The following PLCXD3 variants were observed in gnomAD, a reference collection of about 807,000 sequenced individuals.
PLCXD3 encodes the protein PI-PLC X domain-containing protein 3.
Under a neutral mutation model 25.5 loss-of-function variants are expected in PLCXD3, and 19 were observed. The ratio of observed to expected loss-of-function variants is 0.75; its 90% CI spans 0.52 to 1.09. PLCXD3 has a LOEUF of 1.09. PLCXD3 is among the 50% of genes least tolerant of loss of function. The pLI is 0.00. For missense variants in PLCXD3, 411 were observed against 388.1 expected (o/e 1.06, Z -0.50); for synonymous variants, 174 against 137.6 (o/e 1.26, Z -1.85).
intron 2 of PLCXD3, among the ~76,000 whole-genome samples, chr5:41,332,359 G>A (rs1743844223): frequency 6.6e-6 from 1 of 151,988 alleles, no homozygotes; most frequent in Admixed American, 6.6e-5. Context: ...ACCATCACTG[G>A]CCATCAGAGA....
rs193056590 is a variant in PLCXD3, at chr5:41,457,292, A to G, written c.103+53132T>C. 2.0e-3 allele frequency among the ~76,000 whole-genome samples: 307 copies of G among 152,058 alleles called. 1 individual carries two copies. Among genetic ancestry groups the G allele is most frequent in the African/African-American group, 6.8e-3 (284 of 41,524 alleles). On this transcript the variant is annotated intron_variant, in intron 1 of 2. Transcript: ENST00000377801. ...CCCTCTGTTTTATTTTTAAATGATAACAAAAGTAAGTACAACCATGATAGT... is the reference window on the plus strand; with the variant it reads ...CCCTCTGTTTTATTTTTAAATGATAGCAAAAGTAAGTACAACCATGATAGT...
At chr5:41,487,919 A>G (rs1748556458) in intron 1 of PLCXD3, among the ~76,000 whole-genome samples, 1 of 151,952 alleles carries the variant, frequency 6.6e-6, no homozygotes, top group Admixed American at 6.6e-5. Flanking sequence ...TTATTTTTTA[A>G]TTTTATTATT....
At chr5:41,356,977 G>A (rs2150483503) in intron 2 of PLCXD3, among the ~76,000 whole-genome samples, 1 of 152,312 alleles carries the variant, frequency 6.6e-6, no homozygotes, top group East Asian at 1.9e-4. Flanking sequence ...TGGTCACCAA[G>A]GGTGATAGAG....
intron 1 of PLCXD3, among the ~76,000 whole-genome samples, chr5:41,461,788 A>G (rs1747881651): frequency 6.6e-6 from 1 of 151,962 alleles, no homozygotes; most frequent in Non-Finnish European, 1.5e-5. Flanking sequence ...GTCAGAACTC[A>G]ATCAGACTCT....
intron 1 of PLCXD3, among the ~76,000 whole-genome samples, chr5:41,404,570 G>A (rs1179300386): frequency 6.6e-6 from 1 of 152,022 alleles, no homozygotes; most frequent in Non-Finnish European, 1.5e-5. Flanking sequence ...TATAAATATG[G>A]AACAATAAAA....
At chr5:41,444,789 C>A (rs960541267) in intron 1 of PLCXD3, among the ~76,000 whole-genome samples, 1 of 152,034 alleles carries the variant, frequency 6.6e-6, no homozygotes, top group Non-Finnish European at 1.5e-5. Context: ...ATAGCAAAGC[C>A]GTGCCTAAGT....
intron 1 of PLCXD3, among the ~76,000 whole-genome samples, chr5:41,438,756 A>G (rs969773730): frequency 6.6e-6 from 1 of 151,748 alleles, no homozygotes; most frequent in Admixed American, 6.6e-5. Flanking sequence ...ATCCAAGAAT[A>G]GCTAGTCCTT....
chr5:41,505,653 G>C (rs1433816622), intron 1 of PLCXD3, among the ~76,000 whole-genome samples: 1 of 152,184 alleles, frequency 6.6e-6, no homozygotes, highest in Non-Finnish European at 1.5e-5. Context: ...AGCATTACCA[G>C]ATGAGCTGAT....
At chr5:41,372,469 T>C (rs1376273137) in intron 2 of PLCXD3, among the ~76,000 whole-genome samples, 1 of 152,106 alleles carries the variant, frequency 6.6e-6, no homozygotes, top group Non-Finnish European at 1.5e-5. Context: ...TCTTTAATCT[T>C]ACAACATCAG....
chr5:41,313,901 A>G, intron 2 of PLCXD3, 131 bp from the exon 3 acceptor site: 1 of 1,079,536 alleles, frequency 9.3e-7, no homozygotes, highest in Middle Eastern at 2.1e-4. Flanking sequence ...AGGAAGGGGA[A>G]AAGGCCAAAT....
intron 1 of PLCXD3, among the ~76,000 whole-genome samples, chr5:41,391,977 G>C (rs1006518947): frequency 6.6e-6 from 1 of 152,146 alleles, no homozygotes; most frequent in African/African-American, 2.4e-5. Flanking sequence ...CCTTTGGAAA[G>C]AGAGGGAAGA....
chr5:41,425,396 A>T (rs1746931992), intron 1 of PLCXD3, among the ~76,000 whole-genome samples: 1 of 150,650 alleles, frequency 6.6e-6, no homozygotes, highest in Non-Finnish European at 1.5e-5. Context: ...CTGCTTCCCC[A>T]GTACATGCAC....
chr5:41,367,114 C>T (rs1472555305), intron 2 of PLCXD3, among the ~76,000 whole-genome samples: 1 of 152,080 alleles, frequency 6.6e-6, no homozygotes, highest in Non-Finnish European at 1.5e-5. Flanking sequence ...ATGCATGGAT[C>T]TTTATAATAG....
intron 2 of PLCXD3, among the ~76,000 whole-genome samples, chr5:41,322,963 ACT>A (rs1312465687): frequency 7.9e-6 from 1 of 126,694 alleles, no homozygotes; most frequent in East Asian, 2.1e-4. Context: ...ACAGAACAAG[ACT>A]CTGTCTAAAA....
Position 41,454,788 on chromosome 5 carries a change from A to G in PLCXD3, c.103+55636T>C, listed in dbSNP as rs1475373998. Among the ~76,000 whole-genome samples, 2 of 151,956 alleles carry G rather than the reference A, an allele frequency of 1.3e-5. 1 individual carries two copies. The highest frequency in any genetic ancestry group is 1.3e-4 in the Admixed American group (2 of 15,248). On this transcript the variant is annotated intron_variant, in intron 1 of 2. Transcript: ENST00000377801. ...AGACATATTCTCTCTCCAAGTTTAC[A>G]AAAGAAACCAATTGTATTAGTCTGT...
intron 1 of PLCXD3, among the ~76,000 whole-genome samples, chr5:41,409,275 C>T (rs1746447919): frequency 6.6e-6 from 1 of 152,140 alleles, no homozygotes; most frequent in Non-Finnish European, 1.5e-5. Context: ...CAGCCTTAAG[C>T]CCAGGGTGCT....
intron 1 of PLCXD3, among the ~76,000 whole-genome samples, chr5:41,483,604 G>C (rs552781275): frequency 6.6e-6 from 1 of 152,048 alleles, no homozygotes; most frequent in African/African-American, 2.4e-5. Flanking sequence ...AGTTTTGCAA[G>C]ATGAAAAATG....
chr5:41,493,832 C>A (rs899201611), intron 1 of PLCXD3, among the ~76,000 whole-genome samples: 1 of 152,224 alleles, frequency 6.6e-6, no homozygotes. Flanking sequence ...TTCCAGGTGC[C>A]GTCTGTCACC....
intron 2 of PLCXD3, among the ~76,000 whole-genome samples, chr5:41,379,337 A>G (rs937601617): frequency 6.6e-6 from 1 of 152,134 alleles, no homozygotes; most frequent in Admixed American, 6.6e-5. Context: ...GTTAATTACC[A>G]GAAAAAATAA....
Sources: allele counts gnomAD v4.1 joint callset (sites outside exome capture counted in the v4.1 genomes callset), GRCh38; gene constraint gnomAD v4.1.1; transcripts MANE v1.5; gene names NCBI Gene and HGNC (gene_info 2026-07-23, HGNC 2026-07-21).